The following C2orf74 variants were observed in gnomAD, a reference collection of about 807,000 sequenced individuals.
The protein encoded by C2orf74 is uncharacterized protein C2orf74.
A neutral mutation model predicts 17.9 loss-of-function variants in C2orf74; 14 were observed. The observed-to-expected ratio is 0.78, with a 90% CI of 0.52 to 1.22. C2orf74 has a LOEUF of 1.22. Ranked by LOEUF, C2orf74 falls within the 50% of genes most tolerant of loss-of-function variation. The probability of loss-of-function intolerance (pLI) is 0.00; values close to 1 mark genes in which losing one functional copy is unlikely to be tolerated. For synonymous variants in C2orf74, 79 were observed against 72.6 expected (o/e 1.09, Z -0.44); for missense variants, 217 against 218.4 (o/e 0.99, Z 0.04).
chr2:61,152,734 GC>G (rs2103617767), intron 1 of C2orf74, among the ~76,000 whole-genome samples: 1 of 150,780 alleles, frequency 6.6e-6, no homozygotes, highest in Non-Finnish European at 1.5e-5. Context: ...TGTAATCCCA[GC>G]TACTCGGTAG....
intron 1 of C2orf74, among the ~76,000 whole-genome samples, chr2:61,146,858 A>G (rs1685086011): frequency 6.6e-6 from 1 of 151,826 alleles, no homozygotes; most frequent in Non-Finnish European, 1.5e-5. Context: ...ACAAAAAACA[A>G]AAAAACTGGA....
In C2orf74 at chr2:61,162,960, G is replaced by A; in HGVS notation, c.209+5G>A. The A allele has an allele frequency of 4.5e-6, 7 of 1,552,450 alleles. No individual in the cohort carries two copies. The highest frequency in any genetic ancestry group is 5.2e-6 in the Non-Finnish European group (6 of 1,147,010). ...CAATCCAGAGGACCATGAAAGGCGA[G>A]TGTGGTGCAGGATGTGGCAGAGGCC... is the stretch of plus-strand genomic sequence containing the variant. On this transcript the variant is annotated splice_donor_5th_base_variant and intron_variant, in intron 3 of 4. Transcript: ENST00000432605.
upstream of C2orf74, among the ~76,000 whole-genome samples, chr2:61,159,896 G>A (rs1430033111): frequency 6.6e-6 from 1 of 151,998 alleles, no homozygotes; most frequent in Non-Finnish European, 1.5e-5. Flanking sequence ...TCACATTATT[G>A]TGCTACCATC....
intron 1 of C2orf74, among the ~76,000 whole-genome samples, chr2:61,150,960 C>G (rs1685208876): frequency 6.6e-6 from 1 of 152,034 alleles, no homozygotes; most frequent in African/African-American, 2.4e-5. Flanking sequence ...CAGGCTGCAC[C>G]CTTTGCTTTC....
At chr2:61,162,984 C>T in intron 3 of C2orf74, 29 bp downstream of exon 3, 1 of 1,551,484 alleles carries the variant, frequency 6.4e-7, no homozygotes, top group Non-Finnish European at 8.7e-7. Context: ...GTGGCAGAGG[C>T]CATTTTGTGT....
chr2:61,163,518 C>T (rs1386674142), intron 4 of C2orf74, among the ~76,000 whole-genome samples: 2 of 151,860 alleles, frequency 1.3e-5, no homozygotes, highest in African/African-American at 2.4e-5. Context: ...GCAGGAGAAT[C>T]GCTTGAACCC....
chr2:61,161,066 A>G (rs1448734641), upstream of C2orf74, among the ~76,000 whole-genome samples: 1 of 152,156 alleles, frequency 6.6e-6, no homozygotes, highest in African/African-American at 2.4e-5. Context: ...ATCCTCACCA[A>G]TACTTTTTTT....
Position 61,162,971 on chromosome 2 carries a change from G to A in C2orf74, c.209+16G>A, listed in dbSNP as rs952289780. The A allele has an allele frequency of 1.9e-6, 3 of 1,552,058 alleles. No homozygotes were observed. The highest frequency in any genetic ancestry group is 1.4e-5 in the African/African-American group (1 of 73,058). On this transcript the variant is annotated intron_variant, in intron 3 of 4. Transcript: ENST00000432605. Reference sequence around the variant, plus strand: ...ACCATGAAAGGCGAGTGTGGTGCAGGATGTGGCAGAGGCCATTTTGTGTTT... The same window carrying A: ...ACCATGAAAGGCGAGTGTGGTGCAGAATGTGGCAGAGGCCATTTTGTGTTT...
chr2:61,161,285 A>G (rs1362978081), upstream of C2orf74, among the ~76,000 whole-genome samples: 1 of 152,210 alleles, frequency 6.6e-6, no homozygotes, highest in East Asian at 1.9e-4. Flanking sequence ...TTCTTCATAT[A>G]TTCTGGATAT....
At chr2:61,151,624 G>C (rs1402334369) in intron 1 of C2orf74, 1 of 151,924 alleles carries the variant, frequency 6.6e-6, no homozygotes, top group Non-Finnish European at 1.5e-5. Flanking sequence ...TTGGAAGGAG[G>C]GAGGGCTCAG....
At position 61,164,395 on chromosome 2, in the gene C2orf74, T is replaced by C. The variant is rs1685665246; in HGVS notation, c.432T>C (p.Thr144=). 9.0e-6 allele frequency: 14 copies of C among 1,550,172 alleles called. 1 individual carries two copies. In the East Asian group the frequency reaches 3.2e-4, roughly 35 times the overall value. The part of the protein sequence containing the change: ...LQKIHTSVTR[T]PSVVESQKRP... ...AAATACACACATCTGTCACTAGAAC[T>C]CCTTCAGTTGTTGAAAGCCAAAAAA... Residue 144 remains threonine, a synonymous_variant, in exon 5 of 5, where the codon ACT becomes ACC. Coordinates refer to ENST00000432605, the MANE Select transcript of C2orf74 (RefSeq NM_001143959.4).
At chr2:61,152,829 CAA>C (rs1685272301) in intron 1 of C2orf74, among the ~76,000 whole-genome samples, 1 of 88,864 alleles carries the variant, frequency 1.1e-5, no homozygotes, top group Admixed American at 1.7e-4. Flanking sequence ...GCCTGGGCAA[CAA>C]GAGTAAATCT....
upstream of C2orf74, among the ~76,000 whole-genome samples, chr2:61,160,253 T>C (rs1177307): frequency 0.44 from 66,391 of 151,702 alleles, 14,770 homozygotes; most frequent in Middle Eastern, 0.51. Flanking sequence ...CTCCGCCTCC[T>C]GGGTTCAAGC....
chr2:61,154,774 G>T (rs1245579240), intron 1 of C2orf74, among the ~76,000 whole-genome samples: 2 of 152,178 alleles, frequency 1.3e-5, no homozygotes, highest in Non-Finnish European at 2.9e-5. Context: ...AACAGAAAAG[G>T]CTGGGCTAGG....
chr2:61,156,156 A>G (rs1236246295), intron 1 of C2orf74, among the ~76,000 whole-genome samples: 1 of 152,186 alleles, frequency 6.6e-6, no homozygotes, highest in Non-Finnish European at 1.5e-5. Flanking sequence ...CTATGATTGC[A>G]CTACTGCACT....
In C2orf74 at chr2:61,162,550, C is replaced by T. The variant is rs961357283; in HGVS notation, c.36C>T (p.Ile12=). 34 of 1,551,738 alleles carry T rather than the reference C, an allele frequency of 2.2e-5. No individual in the cohort carries two copies. The highest frequency in any genetic ancestry group is 2.9e-5 in the Non-Finnish European group (33 of 1,146,950). ...SFETTAITFF[I]ILLICLICIL... ...AAACCACAGCAATCACTTTCTTCAT[C>T]ATCCTTCTAATTTGCCTCATTTGCA... Residue 12 remains isoleucine (I), a synonymous_variant, in exon 2 of 5, where the codon ATC becomes ATT. Transcript: ENST00000432605.
upstream of C2orf74, chr2:61,158,009 G>A (rs755137294): frequency 2.1e-6 from 1 of 471,206 alleles, no homozygotes; most frequent in South Asian, 1.5e-5. Context: ...TCTGCAGGCA[G>A]GAGGTAGGCA....
upstream of C2orf74, among the ~76,000 whole-genome samples, chr2:61,159,631 A>T (rs1157870628): frequency 6.6e-6 from 1 of 152,212 alleles, no homozygotes; most frequent in Non-Finnish European, 1.5e-5. Flanking sequence ...GAGGTGGGAC[A>T]GGTAAAGGGC....
upstream of C2orf74, chr2:61,162,182 T>C: frequency 4.5e-5 from 13 of 290,504 alleles, no homozygotes; most frequent in South Asian, 2.5e-4. Flanking sequence ...CAGCTCCAGC[T>C]GTTCCGATTC....
Sources: allele counts gnomAD v4.1 joint callset (sites outside exome capture counted in the v4.1 genomes callset), GRCh38; gene constraint gnomAD v4.1.1; transcripts MANE v1.5; gene names NCBI Gene and HGNC (gene_info 2026-07-23, HGNC 2026-07-21).